The following CLN6 variants were observed in gnomAD, a reference collection of about 807,000 sequenced individuals.
CLN6 encodes the protein CLN6 transmembrane ER protein.
A neutral mutation model predicts 33.3 loss-of-function variants in CLN6; 22 were observed. That is an observed-to-expected ratio of 0.66 (90% CI 0.47 to 0.94). The LOEUF is 0.94. CLN6 is among the 40% of genes least tolerant of loss of function. The probability of loss-of-function intolerance (pLI) is 0.00; values close to 1 mark genes in which losing one functional copy is unlikely to be tolerated. For missense variants in CLN6, 387 were observed against 417.1 expected (o/e 0.93, Z 0.63); for synonymous variants, 201 against 174.6 (o/e 1.15, Z -1.19).
At chr15:68,235,592 ATATATATATATATATATATATATATAT>A in intron 1 of CLN6, among the ~76,000 whole-genome samples, 1 of 104,312 alleles carries the variant, frequency 9.6e-6, no homozygotes, top group African/African-American at 3.9e-5. Context: ...AAATAAATAT[ATATATATATATATATATATATATATAT>A]ATATATATAT....
At chr15:68,245,557 C>A (rs1420437661) in intron 1 of CLN6, among the ~76,000 whole-genome samples, 1 of 146,634 alleles carries the variant, frequency 6.8e-6, no homozygotes. Context: ...CACAGTGAAA[C>A]CCTGTCTCAA....
chr15:68,234,117 G>A (rs1374859336), upstream of CLN6, among the ~76,000 whole-genome samples: 2 of 152,214 alleles, frequency 1.3e-5, no homozygotes, highest in Admixed American at 6.5e-5. This position sits in a 1 kb window ranked among gnomAD's most constrained non-coding sequence, Gnocchi z 4.1. Flanking sequence ...CTCAGGAACT[G>A]AGAATGGTGC....
upstream of CLN6, among the ~76,000 whole-genome samples, chr15:68,231,601 T>G (rs1050415349): frequency 6.6e-6 from 1 of 152,276 alleles, no homozygotes; most frequent in Non-Finnish European, 1.5e-5. Flanking sequence ...GCAGTGCCCA[T>G]GATGTCATCA....
At chr15:68,217,896 CCTACCTACCTACCTACCTACCTAT>C (rs138265870) in intron 2 of CLN6, among the ~76,000 whole-genome samples, 73,504 of 124,940 alleles carry the variant, frequency 0.59, 18,674 homozygotes, top group Non-Finnish European at 0.65. Context: ...TACCTACCTA[CCTACCTACCTACCTACCTACCTAT>C]CTATCTTCCA....
chr15:68,245,213 G>GT (rs1892319106), intron 1 of CLN6, among the ~76,000 whole-genome samples: 1 of 151,212 alleles, frequency 6.6e-6, no homozygotes, highest in Admixed American at 6.6e-5. Context: ...TAAGTTATCG[G>GT]TTTTTTTGTA....
Position 68,247,982 on chromosome 15 carries a change from C to T in CLN6, c.179+8708G>A, listed in dbSNP as rs183378736. Among the ~76,000 whole-genome samples the T allele has an allele frequency of 4.9e-4, 73 of 148,530 alleles. No individual in the cohort carries two copies. The highest frequency in any genetic ancestry group is 1.7e-3 in the African/African-American group (69 of 39,992). The stretch of plus-strand genomic sequence containing the variant: ...GGTGGAGGTTGCAGTGAGCTGAGAT[C>T]GTGCCATTGCACTCCAGCCTGGGCA... On this transcript the variant is annotated intron_variant, in intron 1 of 6. Transcript: ENST00000538696. The surrounding 1 kb of genome is among the most constrained non-coding windows in gnomAD (Gnocchi z 4.2).
chr15:68,214,731 G>A (rs938796286), intron 2 of CLN6: 1 of 345,140 alleles, frequency 2.9e-6, no homozygotes, highest in Non-Finnish European at 5.7e-6. Flanking sequence ...CAGGGACTCC[G>A]TTGTGGCACC....
intron 1 of CLN6, among the ~76,000 whole-genome samples, chr15:68,245,419 G>C (rs1892320750): frequency 1.3e-5 from 2 of 151,992 alleles, no homozygotes; most frequent in African/African-American, 4.8e-5. Context: ...ATAAAAATTA[G>C]TTGGGTGTGG....
At chr15:68,230,320 G>A (rs1041159637), upstream of CLN6, among the ~76,000 whole-genome samples, 2 of 152,110 alleles carry the variant, frequency 1.3e-5, no homozygotes, top group Non-Finnish European at 2.9e-5. The surrounding 1 kb of genome is among the most constrained non-coding windows in gnomAD (Gnocchi z 4.0). Context: ...GTGGGCTAGA[G>A]CAGATTTCGT....
rs1892280501 is a variant in CLN6 at position 68,241,550 on chromosome 15, C to T, written c.179+15140G>A. 6.6e-6 allele frequency among the ~76,000 whole-genome samples: 1 copy of T among 151,850 alleles called. No individual in the cohort carries two copies. The highest frequency in any genetic ancestry group is 1.5e-5 in the Non-Finnish European group (1 of 67,916). ...CTGGCAGGAGACCTTGCCTCTGCCT[C>T]AACCCATGGGAAGCATCATGATTGC... On this transcript the variant is annotated intron_variant, in intron 1 of 6. Transcript: ENST00000538696. This position sits in a 1 kb window ranked among gnomAD's most constrained non-coding sequence, Gnocchi z 4.2.
chr15:68,242,944 AC>A lies in CLN6; in HGVS notation c.179+13745del, dbSNP rs1351427093. Among the ~76,000 whole-genome samples the A allele has an allele frequency of 6.6e-6, 1 of 152,232 alleles. No homozygotes were observed. Among genetic ancestry groups the A allele is most frequent in the Non-Finnish European group, 1.5e-5 (1 of 68,042 alleles). On this transcript the variant is annotated intron_variant, in intron 1 of 6. Transcript: ENST00000538696. The surrounding 1 kb of genome is among the most constrained non-coding windows in gnomAD (Gnocchi z 5.0). ...AGTACATAATTGAAATTGCTTACTTACCAGGTTTTTCACTAAAAATAAAAGT... is the reference window on the plus strand; with the variant it reads ...AGTACATAATTGAAATTGCTTACTTACAGGTTTTTCACTAAAAATAAAAGT...
At position 68,227,473 on chromosome 15, in the gene CLN6, A is replaced by T. The variant is rs1450163113; in HGVS notation, c.83+2029T>A. On this transcript the variant is annotated intron_variant, in intron 1 of 6. Transcript: ENST00000249806. The surrounding 1 kb of genome is among the most constrained non-coding windows in gnomAD (Gnocchi z 4.1). ...CCAAGCATCCTAGGAACTGGACAGG[A>T]TGATTCTGCCTACTCTCTTGAGCAG... is the stretch of plus-strand genomic sequence containing the variant. Among the ~76,000 whole-genome samples, 2 of 152,220 alleles carry T rather than the reference A, an allele frequency of 1.3e-5. No individual in the cohort carries two copies. The highest frequency in any genetic ancestry group is 4.8e-5 in the African/African-American group (2 of 41,454).
At chr15:68,233,025 AG>A (rs1405778953), upstream of CLN6, among the ~76,000 whole-genome samples, 1 of 152,236 alleles carries the variant, frequency 6.6e-6, no homozygotes, top group East Asian at 1.9e-4. The surrounding 1 kb of genome is among the most constrained non-coding windows in gnomAD (Gnocchi z 4.3). Context: ...TCTGGGCGAC[AG>A]AGCAAGGCTC....
chr15:68,214,652 C>T, intron 2 of CLN6: 1 of 442,964 alleles, frequency 2.3e-6, no homozygotes, highest in South Asian at 2.0e-5. Flanking sequence ...AAGGCCTGAC[C>T]CTGTGCCCCT....
At position 68,228,086 on chromosome 15, in the gene CLN6, T is replaced by A. The variant is rs1265082832; in HGVS notation, c.83+1416A>T. Among the ~76,000 whole-genome samples, 5 of 152,096 alleles carry A rather than the reference T, an allele frequency of 3.3e-5. No individual in the cohort carries two copies. Among genetic ancestry groups the A allele is most frequent in the Admixed American group, 2.0e-4 (3 of 15,276 alleles). ...CAGCCCATCTAAGCCTATTTCCTCA[T>A]CAGTAAAATAATACTTAACTCACAG... On this transcript the variant is annotated intron_variant, in intron 1 of 6. Transcript: ENST00000249806. The surrounding 1 kb of genome is among the most constrained non-coding windows in gnomAD (Gnocchi z 4.4).
upstream of CLN6, among the ~76,000 whole-genome samples, chr15:68,232,156 C>T (rs888662790): frequency 3.7e-5 from 4 of 108,802 alleles, no homozygotes; most frequent in East Asian, 3.0e-4. The surrounding 1 kb of genome is among the most constrained non-coding windows in gnomAD (Gnocchi z 4.7). Context: ...TAGCTGTATC[C>T]GATATTTTTT....
chr15:68,242,809 A>G lies in CLN6; in HGVS notation c.179+13881T>C, dbSNP rs1892291291. Among the ~76,000 whole-genome samples the G allele has an allele frequency of 6.6e-6, 1 of 152,188 alleles. No homozygotes were observed. The highest frequency in any genetic ancestry group is 1.5e-5 in the Non-Finnish European group (1 of 68,032). On this transcript the variant is annotated intron_variant, in intron 1 of 6. Coordinates refer to the CLN6 transcript ENST00000538696. The surrounding 1 kb of genome is among the most constrained non-coding windows in gnomAD (Gnocchi z 5.0). The stretch of plus-strand genomic sequence containing the variant: ...AAATGGTTTGATTTACCTACTTTGG[A>G]GCATTAGATGATAGGTAAGGCCTGG...
At chr15:68,232,998 A>T (rs1345581396), upstream of CLN6, among the ~76,000 whole-genome samples, 1 of 152,170 alleles carries the variant, frequency 6.6e-6, no homozygotes, top group African/African-American at 2.4e-5. This position sits in a 1 kb window ranked among gnomAD's most constrained non-coding sequence, Gnocchi z 4.7. Flanking sequence ...AGCCGAGATC[A>T]CGCCACTGCA....
intron 3 of CLN6, 57 bp downstream of exon 3, chr15:68,214,233 T>G: frequency 7.6e-7 from 1 of 1,310,724 alleles, no homozygotes; most frequent in Non-Finnish European, 1.1e-6. Context: ...ATCACCTTCC[T>G]GCCAGGTGTG....
Sources: allele counts gnomAD v4.1 joint callset (sites outside exome capture counted in the v4.1 genomes callset), GRCh38; gene constraint gnomAD v4.1.1; non-coding constraint Gnocchi (gnomAD v3.1); transcripts MANE v1.5; gene names NCBI Gene and HGNC (gene_info 2026-07-23, HGNC 2026-07-21).